CDH22: variants seen among roughly 807,000 people sequenced by gnomAD.
CDH22 encodes cadherin 22, also known as cadherin-22.
In CDH22, 30 loss-of-function variants were observed where a neutral mutation model predicts 58.4. The observed-to-expected ratio is 0.51, with a 90% CI of 0.38 to 0.70. The LOEUF (loss-of-function observed/expected upper bound fraction) is 0.70, where lower values mean the gene tolerates loss of function less well. Ranked by LOEUF, CDH22 falls within the 30% of genes least tolerant of loss-of-function variation. CDH22 has a pLI of 0.00. For missense variants in CDH22, 1,014 were observed against 1,233.9 expected, an observed-to-expected ratio of 0.82 and a Z score of 2.67; for synonymous variants, 513 against 558.2, an observed-to-expected ratio of 0.92 and a Z score of 1.14.
At chr20:46,288,770 C>T (rs2086587268) in intron 1 of CDH22, among the ~76,000 whole-genome samples, 2 of 152,196 alleles carry the variant, frequency 1.3e-5, no homozygotes, top group South Asian at 4.1e-4. Flanking sequence ...ATCTTGCCAG[C>T]TCTACCTTAA....
chr20:46,217,433 C>T (rs73295813), intron 4 of CDH22, among the ~76,000 whole-genome samples: 3,171 of 152,286 alleles, frequency 0.021, 103 homozygotes, highest in African/African-American at 0.072. Flanking sequence ...TACATTCACA[C>T]ACACACAGAT....
chr20:46,192,827 C>T (rs935710919), intron 8 of CDH22, among the ~76,000 whole-genome samples: 1 of 152,038 alleles, frequency 6.6e-6, no homozygotes, highest in African/African-American at 2.4e-5. Flanking sequence ...CAGTGAGGCG[C>T]ACGGGACGAG....
At chr20:46,273,478 G>T (rs2086502298) in intron 1 of CDH22, among the ~76,000 whole-genome samples, 1 of 152,188 alleles carries the variant, frequency 6.6e-6, no homozygotes, top group African/African-American at 2.4e-5. Context: ...TTAGCACAGT[G>T]CATGGCACAT....
intron 8 of CDH22, among the ~76,000 whole-genome samples, chr20:46,192,479 T>G (rs1201413296): frequency 1.3e-5 from 2 of 151,938 alleles, no homozygotes; most frequent in Non-Finnish European, 2.9e-5. Context: ...AGTTGGATTC[T>G]GTGGCTCTCC....
chr20:46,286,832 C>T (rs1361856500), intron 1 of CDH22, among the ~76,000 whole-genome samples: 1 of 152,174 alleles, frequency 6.6e-6, no homozygotes, highest in African/African-American at 2.4e-5. Context: ...AGCCCTATGG[C>T]TCCTGTGGCC....
Position 46,270,877 on chromosome 20 carries a change from T to C in CDH22, c.-399-19184A>G, listed in dbSNP as rs115254463. ...TGGGCTGGACTTCCAGCTTTGTTGC[T>C]ACCAAATGTGTGACCTCAGGCAGGC... On this transcript the variant is annotated intron_variant, in intron 1 of 11. Coordinates refer to ENST00000537909, the MANE Select transcript of CDH22 (RefSeq NM_021248.3). Among the ~76,000 whole-genome samples, 255 of 152,336 alleles carry C rather than the reference T, an allele frequency of 1.7e-3. 1 individual carries two copies. The highest frequency in any genetic ancestry group is 0.014 in the Middle Eastern group (4 of 294).
chr20:46,217,112 G>A, intron 4 of CDH22, 119 bp from the exon 5 acceptor site: 3 of 941,292 alleles, frequency 3.2e-6, no homozygotes, highest in Non-Finnish European at 4.7e-6. Context: ...CTCAGGAGGA[G>A]AGTGGGCCAC....
In CDH22 at chr20:46,174,159, G is replaced by A; in HGVS notation, c.*347C>T. 3.0e-6 allele frequency: 1 copy of A among 328,870 alleles called. No homozygotes were observed. Among genetic ancestry groups the A allele is most frequent in the South Asian group, 6.0e-5 (1 of 16,702 alleles). 20.4% of individuals were successfully genotyped at this position (328,870 alleles called of 1,614,324 possible). On this transcript the variant is annotated 3_prime_UTR_variant, in exon 12 of 12. Transcript: ENST00000537909. This position sits in a 1 kb window ranked among gnomAD's most constrained non-coding sequence, Gnocchi z 4.4. ...CCTGGGGTGGGGGCATCTCAGCGGC[G>A]TGCTCCCTCCAGCATTCTCCCCCAG...
chr20:46,185,063 G>A (rs2085814621), intron 10 of CDH22, among the ~76,000 whole-genome samples: 1 of 151,302 alleles, frequency 6.6e-6, no homozygotes, highest in Non-Finnish European at 1.5e-5. Flanking sequence ...TCCAGCCTGG[G>A]CAACAGAATG....
intron 6 of CDH22, 59 bp downstream of exon 6, chr20:46,212,936 C>T: frequency 2.7e-6 from 4 of 1,470,054 alleles, no homozygotes; most frequent in East Asian, 4.5e-5. Context: ...GCCCAGAGGC[C>T]TCCCTGATCC....
intron 3 of CDH22, 77 bp downstream of exon 3, chr20:46,240,886 A>G: frequency 7.6e-7 from 1 of 1,318,488 alleles, no homozygotes; most frequent in Non-Finnish European, 1.1e-6. Flanking sequence ...CCAGAGGATC[A>G]GCTACTCCCC....
At chr20:46,187,807 A>G (rs1327679347) in intron 8 of CDH22, among the ~76,000 whole-genome samples, 1 of 152,084 alleles carries the variant, frequency 6.6e-6, no homozygotes, top group Non-Finnish European at 1.5e-5. Context: ...ATCTACATTC[A>G]TTATTTTAAG....
intron 2 of CDH22, among the ~76,000 whole-genome samples, chr20:46,244,626 C>A (rs142923652): frequency 6.6e-6 from 1 of 152,324 alleles, no homozygotes; most frequent in Non-Finnish European, 1.5e-5. Flanking sequence ...AGATGGCCCC[C>A]GGTCTGTTTG....
In CDH22 at chr20:46,213,003, C is replaced by T. The variant is rs753566307; in HGVS notation, c.1024G>A (p.Val342Met). 1 of 1,614,088 alleles carries T rather than the reference C, an allele frequency of 6.2e-7. No individual in the cohort carries two copies. The highest frequency in any genetic ancestry group is 1.7e-5 in the Admixed American group (1 of 60,030). Residue 342 changes from valine to methionine, a missense_variant, in exon 6 of 12, where the codon GTG becomes ATG. Physicochemically the swap from Val to Met is conservative, Grantham distance 21 (BLOSUM62 1). Around this residue, in one of 2 missense-constraint regions of CDH22, gnomAD observed 806 missense variants for 1,038.7 expected, o/e 0.78. Coordinates refer to ENST00000537909, the MANE Select transcript of CDH22 (RefSeq NM_021248.3). ...TCCTGAGGCAGCTGCACCTTCTGCA[C>T]TACGATGATGGCCTCCTGAGTGTCG... The part of the protein sequence containing the change: ...DSDTQEAIIV[V>M]QKRLDFESQP...
chr20:46,174,326 T>C lies in CDH22; in HGVS notation c.*180A>G, dbSNP rs565204995. ...ATCCCGCACCTCTGGGCTCCAAAGCTGCACCCCTAGAGGAGGAGGAATGGA... is the reference window on the plus strand; with the variant it reads ...ATCCCGCACCTCTGGGCTCCAAAGCCGCACCCCTAGAGGAGGAGGAATGGA... On this transcript the variant is annotated 3_prime_UTR_variant, in exon 12 of 12. Transcript: ENST00000537909. The surrounding 1 kb of genome is among the most constrained non-coding windows in gnomAD (Gnocchi z 4.4). 1 of 528,258 alleles carries C rather than the reference T, an allele frequency of 1.9e-6. No homozygotes were observed. Among genetic ancestry groups the C allele is most frequent in the Non-Finnish European group, 3.3e-6 (1 of 305,646 alleles). 32.7% of individuals were successfully genotyped at this position (528,258 alleles called of 1,614,324 possible).
chr20:46,283,022 C>T (rs897884027), intron 1 of CDH22, among the ~76,000 whole-genome samples: 7 of 152,238 alleles, frequency 4.6e-5, no homozygotes, highest in African/African-American at 7.2e-5. Context: ...CTGTGCAGCT[C>T]TCGCCTCTTC....
At chr20:46,268,730 G>A (rs1200109055) in intron 1 of CDH22, among the ~76,000 whole-genome samples, 3 of 152,302 alleles carry the variant, frequency 2.0e-5, no homozygotes, top group East Asian at 3.9e-4. Flanking sequence ...GGCCAAGGCC[G>A]AGAGGTCATA....
chr20:46,210,529 G>T lies in CDH22; in HGVS notation c.1064C>A (p.Thr355Asn). Reference protein sequence around the residue: ...RLDFESQPVHTVILEALNKFV... With the variant: ...RLDFESQPVHNVILEALNKFV... Reference sequence around the variant, plus strand: ...CTTGTTGAGGGCCTCCAGGATCACGGTGTGCACGGGCTGGGATTCGAAGTC... The same window carrying T: ...CTTGTTGAGGGCCTCCAGGATCACGTTGTGCACGGGCTGGGATTCGAAGTC... The change falls in exon 7 of 12, where the codon ACC (threonine) becomes AAC (asparagine). Residue 355 changes from threonine to asparagine, a missense_variant. Around this residue, in one of 2 missense-constraint regions of CDH22, gnomAD observed 806 missense variants for 1,038.7 expected, o/e 0.78. Transcript: ENST00000537909. The surrounding 1 kb of genome is among the most constrained non-coding windows in gnomAD (Gnocchi z 4.5). 1.4e-6 allele frequency: 2 copies of T among 1,434,094 alleles called. No individual in the cohort carries two copies. The highest frequency in any genetic ancestry group is 9.2e-7 in the Non-Finnish European group (1 of 1,091,472). 88.8% of individuals were successfully genotyped at this position (1,434,094 alleles called of 1,614,324 possible).
chr20:46,189,477 T>C lies in CDH22; in HGVS notation c.1424-2530A>G, dbSNP rs1034713887. On this transcript the variant is annotated intron_variant, in intron 8 of 11. Transcript: ENST00000537909. ...CCTTACAGGGCCCTTTCCCCTGCAGTGGAGGGTGGTGGGGGTGTGTGGGCT... is the reference window on the plus strand; with the variant it reads ...CCTTACAGGGCCCTTTCCCCTGCAGCGGAGGGTGGTGGGGGTGTGTGGGCT... 1.1e-4 allele frequency among the ~76,000 whole-genome samples: 16 copies of C among 150,770 alleles called. No homozygotes were observed. In the South Asian group the frequency reaches 3.0e-3, roughly 28 times the overall value.
Sources: gnomAD v4.1 joint callset for allele counts (sites outside exome capture counted in the v4.1 genomes callset) on GRCh38, gnomAD v4.1.1 for gene constraint, gnomAD v4.1.1 regional missense constraint, Gnocchi (gnomAD v3.1) non-coding constraint, MANE v1.5 for transcripts, NCBI Gene and HGNC (gene_info 2026-07-23, HGNC 2026-07-21) for gene names.